The following MAST4 variants were observed in gnomAD, a reference collection of about 807,000 sequenced individuals.
The protein encoded by MAST4 is microtubule-associated serine/threonine-protein kinase 4.
MAST4 carries 89 observed loss-of-function variants against 162.7 expected under a neutral mutation model. The ratio of observed to expected loss-of-function variants is 0.55; its 90% CI spans 0.46 to 0.65. The LOEUF (loss-of-function observed/expected upper bound fraction) is 0.65, where lower values mean the gene tolerates loss of function less well. Among genes scored for constraint, MAST4 ranks in the 30% least tolerant of loss-of-function variants. The pLI, the probability that MAST4 is intolerant of heterozygous loss-of-function variation, is 0.00. For missense variants in MAST4, 3,153 were observed against 3,374.0 expected (o/e 0.93, Z 1.62); for synonymous variants, 1,479 against 1,361.1 (o/e 1.09, Z -1.91).
At chr5:67,104,279 GAA>G in intron 9 of MAST4, 85 bp from the exon 10 acceptor site, 1 of 1,073,844 alleles carries the variant, frequency 9.3e-7, no homozygotes, top group South Asian at 1.3e-5. Context: ...GGAGGTCTCT[GAA>G]AATGCTGTAA....
intron 1 of MAST4, among the ~76,000 whole-genome samples, chr5:66,670,630 A>T (rs4473728): frequency 0.11 from 16,579 of 152,122 alleles, 1,021 homozygotes; most frequent in East Asian, 0.27. Context: ...TTCCTTGAGG[A>T]TGCCGGGCAG....
chr5:66,845,028 G>A (rs1347407984), intron 3 of MAST4, among the ~76,000 whole-genome samples: 13 of 122,818 alleles, frequency 1.1e-4, no homozygotes, highest in African/African-American at 3.5e-4. Context: ...AAAGCCTGAG[G>A]CACAAGAAGA....
chr5:66,653,734 C>A (rs1043913360), intron 1 of MAST4, among the ~76,000 whole-genome samples: 8 of 152,188 alleles, frequency 5.3e-5, no homozygotes. Context: ...CACCAAAGCC[C>A]AGCATAAGTC....
At chr5:66,931,037 T>C (rs1742139997) in intron 4 of MAST4, 1 of 189,536 alleles carries the variant, frequency 5.3e-6, no homozygotes, top group African/African-American at 2.3e-5. Flanking sequence ...AAGATTTTCT[T>C]GGAGGACCAA....
intron 4 of MAST4, among the ~76,000 whole-genome samples, chr5:66,972,944 AC>A (rs973194271): frequency 7.2e-5 from 11 of 151,974 alleles, no homozygotes; most frequent in African/African-American, 2.7e-4. Flanking sequence ...CTCTCTTCCT[AC>A]CCCTTCAACT....
intron 4 of MAST4, among the ~76,000 whole-genome samples, chr5:66,943,912 G>A (rs144770803): frequency 2.6e-5 from 4 of 152,142 alleles, no homozygotes; most frequent in African/African-American, 9.6e-5. Flanking sequence ...GGTCTTCTCT[G>A]ATGAGTCAAT....
chr5:67,163,109 A>C lies in MAST4; in HGVS notation c.3968-38A>C, dbSNP rs924355405. ...CAACTGTGAAAAAAAGGGGAAAATGACCATGGATGCTCACAGCCTTCTGTT... is the reference window on the plus strand; with the variant it reads ...CAACTGTGAAAAAAAGGGGAAAATGCCCATGGATGCTCACAGCCTTCTGTT... On this transcript the variant is annotated intron_variant, in intron 28 of 28. Transcript: ENST00000403625. This position sits in a 1 kb window ranked among gnomAD's most constrained non-coding sequence, Gnocchi z 7.0. 1 of 1,564,966 alleles carries C rather than the reference A, an allele frequency of 6.4e-7. No individual in the cohort carries two copies. Among genetic ancestry groups the C allele is most frequent in the African/African-American group, 1.4e-5 (1 of 73,912 alleles).
intron 10 of MAST4, 33 bp downstream of exon 10, chr5:67,104,608 T>C: frequency 2.5e-6 from 4 of 1,572,964 alleles, no homozygotes; most frequent in Non-Finnish European, 3.5e-6. Context: ...TTTTCTGATT[T>C]ATTTTGCTTT....
intron 5 of MAST4, among the ~76,000 whole-genome samples, chr5:67,078,919 T>TATATATAAATAAATATATATATATATA (rs1762199308): frequency 1.5e-5 from 1 of 65,868 alleles, no homozygotes; most frequent in African/African-American, 8.1e-5. Flanking sequence ...TAAATATATA[T>TATATATAAATAAATATATATATATATA]ATATATATAT....
intron 2 of MAST4, among the ~76,000 whole-genome samples, chr5:66,775,861 G>A (rs762657729): frequency 6.6e-6 from 1 of 152,122 alleles, no homozygotes; most frequent in African/African-American, 2.4e-5. Context: ...AATATTTTAT[G>A]ATTGTGCTCT....
rs182226272 is a variant in MAST4, at chr5:66,729,591, G to C, written c.364-30118G>C. ...ACCTCACATCAATGCTGCATATTGA[G>C]GGCCTCTTATTCTAAGTCTGCTTTA... is the stretch of plus-strand genomic sequence containing the variant. On this transcript the variant is annotated intron_variant, in intron 1 of 28. Transcript: ENST00000403625. 1.4e-4 allele frequency among the ~76,000 whole-genome samples: 21 copies of C among 152,184 alleles called. 1 individual carries two copies. The highest frequency in any genetic ancestry group is 3.4e-3 in the Middle Eastern group (1 of 294).
In MAST4 at chr5:67,165,051, C is replaced by T. The variant is rs1478738637; in HGVS notation, c.5872C>T (p.Pro1958Ser). The T allele has an allele frequency of 1.2e-6, 2 of 1,605,546 alleles. No homozygotes were observed. The highest frequency in any genetic ancestry group is 1.7e-4 in the Middle Eastern group (1 of 6,054). The change falls in exon 29 of 29, where the codon CCA (proline) becomes TCA (serine). Residue 1958 changes from proline to serine, a missense_variant. Coordinates refer to ENST00000403625, the MANE Select transcript of MAST4 (RefSeq NM_001164664.2). Reference sequence around the variant, plus strand: ...CCTGGCCAGGCCACGCTGCCCGCTCCCACCTGAAGCTTCCCCCTCAAGGGA... The same window carrying T: ...CCTGGCCAGGCCACGCTGCCCGCTCTCACCTGAAGCTTCCCCCTCAAGGGA... ...PDLARPRCPL[P>S]PEASPSREKP...
At chr5:67,063,515 T>A (rs945094119) in intron 5 of MAST4, among the ~76,000 whole-genome samples, 1 of 152,232 alleles carries the variant, frequency 6.6e-6, no homozygotes, top group Non-Finnish European at 1.5e-5. Flanking sequence ...TTAATCTGAA[T>A]GGCCTTTGAT....
intron 26 of MAST4, among the ~76,000 whole-genome samples, chr5:67,153,960 G>T (rs2151085570): frequency 6.6e-6 from 1 of 152,284 alleles, no homozygotes; most frequent in Non-Finnish European, 1.5e-5. Flanking sequence ...AAACTGTGAG[G>T]TTTGATCTGA....
intron 3 of MAST4, among the ~76,000 whole-genome samples, chr5:66,803,858 G>A (rs1009322426): frequency 1.9e-4 from 29 of 151,514 alleles, no homozygotes; most frequent in Admixed American, 1.2e-3. Context: ...TTGAATAGAC[G>A]TGGTGATACT....
chr5:66,810,035 C>T (rs1345669760), intron 3 of MAST4, among the ~76,000 whole-genome samples: 1 of 152,176 alleles, frequency 6.6e-6, no homozygotes, highest in Non-Finnish European at 1.5e-5. Context: ...TGTCATTGCA[C>T]AGATACACCA....
intron 4 of MAST4, among the ~76,000 whole-genome samples, chr5:67,003,567 T>A (rs1751534243): frequency 6.6e-6 from 1 of 152,234 alleles, no homozygotes. Context: ...TATTTTTTGC[T>A]GAATATATAC....
At chr5:66,805,714 C>A (rs1756151431) in intron 3 of MAST4, among the ~76,000 whole-genome samples, 1 of 152,164 alleles carries the variant, frequency 6.6e-6, no homozygotes, top group Non-Finnish European at 1.5e-5. Flanking sequence ...TGACACATAA[C>A]CCTGGACCTT....
Position 67,166,815 on chromosome 5 carries a change from C to T in MAST4, c.7636C>T (p.His2546Tyr). The part of the protein sequence containing the change: ...PDPNTMGGAS[H>Y]RDRALSVTAT... ...CCCAAACACCATGGGCGGGGCCAGC[C>T]ACCGGGACAGGGCTCTCTCGGTGAC... The change falls in exon 29 of 29, where the codon CAC becomes TAC. Residue 2546 changes from histidine to tyrosine, a missense_variant. His to Tyr is a moderately conservative substitution (Grantham distance 83). Coordinates refer to ENST00000403625, the MANE Select transcript of MAST4 (RefSeq NM_001164664.2). The T allele has an allele frequency of 6.2e-7, 1 of 1,605,126 alleles. No individual in the cohort carries two copies.
Sources: allele counts gnomAD v4.1 joint callset (sites outside exome capture counted in the v4.1 genomes callset), GRCh38; gene constraint gnomAD v4.1.1; non-coding constraint Gnocchi (gnomAD v3.1); transcripts MANE v1.5; gene names NCBI Gene and HGNC (gene_info 2026-07-23, HGNC 2026-07-21).